DRC4: variants seen among roughly 807,000 people sequenced by gnomAD.
DRC4 encodes GAS-11.
At chr16:90,039,733 T>C in the DRC4 span, 1 of 164,958 alleles carries the variant, frequency 6.1e-6, no homozygotes. Context: ...TAGATTTTTT[T>C]AGAATGCACA....
chr16:90,036,790 G>C, the DRC4 span: 1 of 695,888 alleles, frequency 1.4e-6, no homozygotes, highest in South Asian at 1.5e-5. Flanking sequence ...AAAGCAGTCA[G>C]GATATTGCCC....
chr16:90,039,194 G>A, the DRC4 span, among the ~76,000 whole-genome samples: 4 of 152,216 alleles, frequency 2.6e-5, no homozygotes, highest in East Asian at 7.7e-4. Context: ...GTTTTGAGGT[G>A]GACATTATTG....
the DRC4 span, among the ~76,000 whole-genome samples, chr16:90,028,169 G>A: frequency 3.0e-5 from 3 of 99,106 alleles, no homozygotes; most frequent in Non-Finnish European, 4.1e-5. Flanking sequence ...CTGATTAATC[G>A]TTCATTTTTT....
the DRC4 span, chr16:90,036,661 C>A: frequency 7.6e-7 from 1 of 1,310,274 alleles, no homozygotes; most frequent in Non-Finnish European, 1.1e-6. Flanking sequence ...CCTGGGGATC[C>A]AGACCCCAGC....
chr16:90,035,730 C>G, the DRC4 span: 5 of 1,614,108 alleles, frequency 3.1e-6, no homozygotes, highest in Non-Finnish European at 3.4e-6. Flanking sequence ...CAGAGACACC[C>G]CCGCCCCATC....
chr16:90,032,651 T>C, the DRC4 span: 1 of 1,464,000 alleles, frequency 6.8e-7, no homozygotes, highest in South Asian at 1.1e-5. Flanking sequence ...TGACCAGGTG[T>C]GCACAGGTAC....
chr16:90,027,556 A>G, the DRC4 span: 2 of 1,434,056 alleles, frequency 1.4e-6, no homozygotes, highest in Non-Finnish European at 2.0e-6. Context: ...TTCTCTGCCA[A>G]ATGTTCCTGG....
chr16:90,036,246 T>C, the DRC4 span: 1 of 753,756 alleles, frequency 1.3e-6, no homozygotes, highest in Non-Finnish European at 2.2e-6. Flanking sequence ...TTTGTTCTTC[T>C]CTTGCAGAGC....
At chr16:90,035,520 G>T in the DRC4 span, 1 of 1,354,580 alleles carries the variant, frequency 7.4e-7, no homozygotes, top group Non-Finnish European at 1.1e-6. Context: ...GTTGAGGGAG[G>T]TGAGTTAGGG....
chr16:90,020,019 T>C, the DRC4 span: 2 of 699,316 alleles, frequency 2.9e-6, no homozygotes, highest in South Asian at 1.5e-5. Context: ...TCGATGAAAC[T>C]GACCCCCATG....
At chr16:90,044,595 C>G in the DRC4 span, 1 of 471,208 alleles carries the variant, frequency 2.1e-6, no homozygotes, top group Middle Eastern at 3.2e-4. Flanking sequence ...TCATCTGGTC[C>G]AGGACAGTGA....
At chr16:90,038,328 C>T in the DRC4 span, among the ~76,000 whole-genome samples, 374 of 152,266 alleles carry the variant, frequency 2.5e-3, 3 homozygotes, top group African/African-American at 8.6e-3. Context: ...TTGTATGTTA[C>T]GAACACGGGA....
At chr16:90,022,077 A>T in the DRC4 span, 1 of 152,184 alleles carries the variant, frequency 6.6e-6, no homozygotes, top group Admixed American at 6.5e-5. Context: ...GTTTCTTTTC[A>T]TCCGTGAGGA....
the DRC4 span, chr16:90,032,772 G>A: frequency 6.2e-7 from 1 of 1,613,980 alleles, no homozygotes; most frequent in Non-Finnish European, 8.5e-7. Flanking sequence ...CAACCTGACA[G>A]AGATGAAGGC....
the DRC4 span, chr16:90,036,551 A>G: frequency 6.3e-7 from 1 of 1,594,738 alleles, no homozygotes; most frequent in Non-Finnish European, 8.5e-7. Context: ...CAACGACATC[A>G]CCCTCAACAA....
the DRC4 span, chr16:90,044,175 T>C: frequency 2.2e-6 from 1 of 454,860 alleles, no homozygotes; most frequent in South Asian, 1.6e-5. Flanking sequence ...GCGGCTCCAG[T>C]GTGGGGTGAG....
At chr16:90,032,850 G>A in the DRC4 span, 6 of 1,613,862 alleles carry the variant, frequency 3.7e-6, no homozygotes, top group African/African-American at 6.7e-5. Flanking sequence ...GCTGCGCAAG[G>A]ACATGCGGGC....
At chr16:90,028,173 A>ATTTTTTT in the DRC4 span, among the ~76,000 whole-genome samples, 1,065 of 63,862 alleles carry the variant, frequency 0.017, 211 homozygotes, top group African/African-American at 0.027. Context: ...TTAATCGTTC[A>ATTTTTTT]TTTTTTTTTT....
the DRC4 span, chr16:90,022,566 C>T: frequency 9.0e-6 from 7 of 778,062 alleles, no homozygotes; most frequent in African/African-American, 1.3e-4. Context: ...TCTCTAGGGA[C>T]GCACTCCCGC....
Sources: allele counts gnomAD v4.1 joint callset (sites outside exome capture counted in the v4.1 genomes callset), GRCh38; gene constraint gnomAD v4.1.1; transcripts MANE v1.5; gene names NCBI Gene and HGNC (gene_info 2026-07-23, HGNC 2026-07-21).